ASB9: variants seen among roughly 807,000 people sequenced by gnomAD.
The protein encoded by ASB9 is ankyrin repeat and SOCS box protein 9.
A neutral mutation model predicts 16.6 loss-of-function variants in ASB9; 5 were observed. The ratio of observed to expected loss-of-function variants is 0.30; its 90% confidence interval spans 0.16 to 0.63. ASB9 has a LOEUF of 0.63. Among genes scored for constraint, ASB9 ranks in the 30% least tolerant of loss-of-function variants. The pLI, the probability that ASB9 is intolerant of heterozygous loss-of-function variation, is 0.82. For missense variants in ASB9, 216 were observed against 229.4 expected (o/e 0.94, Z 0.38); for synonymous variants, 100 against 86.4 (o/e 1.16, Z -0.87).
intron 1 of ASB9, among the ~76,000 whole-genome samples, chrX:15,266,652 G>A (rs1232276386): frequency 9.0e-6 from 1 of 111,377 alleles, no homozygotes; most frequent in Non-Finnish European, 1.9e-5. Context: ...AGGAACTTTA[G>A]AAATCCTGAA....
intron 6 of ASB9, among the ~76,000 whole-genome samples, chrX:15,248,221 A>G (rs1008462985): frequency 8.9e-6 from 1 of 111,870 alleles, no homozygotes; most frequent in Non-Finnish European, 1.9e-5. Flanking sequence ...TGGGAGTCTC[A>G]GTTCTTACTT....
chrX:15,258,821 A>G, intron 2 of ASB9, 45 bp downstream of exon 2: 2 of 1,020,957 alleles, frequency 2.0e-6, no homozygotes, highest in Non-Finnish European at 2.8e-6. Flanking sequence ...CATTTGTTTT[A>G]ATATTTTGAT....
intron 1 of ASB9, among the ~76,000 whole-genome samples, chrX:15,260,303 C>T (rs1311935519): frequency 1.8e-5 from 2 of 111,678 alleles, no homozygotes; most frequent in African/African-American, 6.5e-5. Context: ...GAGGCTGAGG[C>T]GGGAGAATCG....
In ASB9 at chrX:15,252,201, G is replaced by GT. The variant is rs942479269; in HGVS notation, c.433+52dup. ...CTCCTTTTCTTTCTTTCTTTCAGCA[G>GT]TAAGATGTCCCTTGAAGGAGTGGGT... On this transcript the variant is annotated intron_variant, in intron 4 of 6. Coordinates refer to ENST00000380488, the MANE Select transcript of ASB9 (RefSeq NM_001031739.3). The GT allele has an allele frequency of 6.3e-6, 7 of 1,111,334 alleles. No individual in the cohort carries two copies. The African/African-American group carries it at 9.3e-5, about 15-fold the overall frequency. 91.6% of individuals were successfully genotyped at this position (1,111,334 alleles called of 1,213,427 possible).
rs1028551333 is a variant in ASB9, at chrX:15,248,139, C to A, written c.760+605G>T. Among the ~76,000 whole-genome samples, 3 of 110,442 alleles carry A rather than the reference C, an allele frequency of 2.7e-5. No individual in the cohort carries two copies. The East Asian group carries it at 8.4e-4, about 31-fold the overall frequency. On this transcript the variant is annotated intron_variant, in intron 6 of 6. Coordinates refer to ENST00000380488, the MANE Select transcript of ASB9 (RefSeq NM_001031739.3). ...TCCCCAACTTGAGGTGTCTTTGTTCCCCAGCCCAGCCCAGGCCTCAAAGCC... is the reference window on the plus strand; with the variant it reads ...TCCCCAACTTGAGGTGTCTTTGTTCACCAGCCCAGCCCAGGCCTCAAAGCC...
At chrX:15,254,970 G>T in intron 2 of ASB9, 126 bp from the exon 3 acceptor site, 3 of 449,151 alleles carry the variant, frequency 6.7e-6, no homozygotes, top group Non-Finnish European at 1.1e-5. Context: ...ACACTAAGGT[G>T]TTTATATTGA....
intron 1 of ASB9, among the ~76,000 whole-genome samples, chrX:15,267,109 T>G (rs1205149275): frequency 8.8e-5 from 10 of 113,360 alleles, no homozygotes; most frequent in Admixed American, 7.4e-4. Flanking sequence ...AAAAATATAT[T>G]TATCGGCCGG....
chrX:15,256,727 G>C lies in ASB9; in HGVS notation c.175-1883C>G, dbSNP rs190882213. On this transcript the variant is annotated intron_variant, in intron 2 of 6. Transcript: ENST00000380488. ...CAGGGGGCGGAGCCTGCAGTGAGCC[G>C]AGATGGCGCCACTGCACTCCAGCCT... Among the ~76,000 whole-genome samples, 129 of 89,367 alleles carry C rather than the reference G, an allele frequency of 1.4e-3. 1 individual carries two copies. In the East Asian group the frequency reaches 0.037, roughly 26 times the overall value. 77.6% of individuals were successfully genotyped at this position (89,367 alleles called of 115,157 possible). A position where few individuals can be genotyped will look rare whatever the true frequency, so the allele number is the denominator to read the frequency against.
chrX:15,264,495 A>G (rs1041339385), intron 1 of ASB9, among the ~76,000 whole-genome samples: 1 of 111,641 alleles, frequency 9.0e-6, no homozygotes, highest in African/African-American at 3.3e-5. Context: ...AAATCTCTAT[A>G]AAGAGTTGGT....
chrX:15,249,083 C>A, intron 5 of ASB9, 148 bp from the exon 6 acceptor site: 1 of 533,536 alleles, frequency 1.9e-6, no homozygotes, highest in Non-Finnish European at 2.9e-6. Context: ...TGATGTGATT[C>A]CATTTAATAA....
At chrX:15,251,230 A>G (rs979290730) in intron 4 of ASB9, among the ~76,000 whole-genome samples, 6 of 112,031 alleles carry the variant, frequency 5.4e-5, no homozygotes, top group African/African-American at 1.9e-4. Context: ...CAGGACCTGA[A>G]GGTGGAACTG....
chrX:15,252,324 A>G lies in ASB9; in HGVS notation c.363T>C (p.Leu121=), dbSNP rs1410956099. Residue 121 remains leucine (L), a synonymous_variant, in exon 4 of 7, where the codon CTT becomes CTC. Transcript: ENST00000380488. ...GTTGAACGCTGGCTCCGTGCTGCAG[A>G]AGCAAATTCACACAATCCCAGCTGC... ...VSGSWDCVNL[L]LQHGASVQPE... 2 of 1,211,555 alleles carry G rather than the reference A, an allele frequency of 1.7e-6. No individual in the cohort carries two copies. Among genetic ancestry groups the G allele is most frequent in the Admixed American group, 2.2e-5 (1 of 46,017 alleles).
intron 1 of ASB9, among the ~76,000 whole-genome samples, chrX:15,267,614 A>G (rs867312955): frequency 1.1e-4 from 10 of 92,887 alleles, no homozygotes; most frequent in East Asian, 6.9e-4. Context: ...GTGGTGGCGG[A>G]CGCCTGTAAT....
intron 1 of ASB9, among the ~76,000 whole-genome samples, chrX:15,261,816 C>A (rs1464727945): frequency 8.9e-6 from 1 of 112,279 alleles, no homozygotes; most frequent in East Asian, 2.8e-4. Context: ...CCATACAATA[C>A]ACCCATTTAA....
At chrX:15,245,260 C>T (rs1344178996) in intron 6 of ASB9, among the ~76,000 whole-genome samples, 1 of 111,143 alleles carries the variant, frequency 9.0e-6, no homozygotes, top group Non-Finnish European at 1.9e-5. Context: ...AGGAGGAGAT[C>T]ATTTTGCTCC....
chrX:15,251,925 C>T (rs1339914812), intron 4 of ASB9, among the ~76,000 whole-genome samples: 2 of 112,213 alleles, frequency 1.8e-5, no homozygotes, highest in Non-Finnish European at 3.8e-5. Flanking sequence ...CTACTATGTG[C>T]CAAGCCCTGT....
chrX:15,244,712 G>A, intron 6 of ASB9, 82 bp from the exon 7 acceptor site: 4 of 952,143 alleles, frequency 4.2e-6, no homozygotes, highest in Non-Finnish European at 5.6e-6. Flanking sequence ...AAGCATCCAA[G>A]ATAGAACATT....
intron 3 of ASB9, among the ~76,000 whole-genome samples, chrX:15,253,278 C>A (rs752393253): frequency 9.2e-6 from 1 of 108,214 alleles, no homozygotes; most frequent in Non-Finnish European, 1.9e-5. Flanking sequence ...CAATGGACTG[C>A]TGAAATATAT....
intron 6 of ASB9, among the ~76,000 whole-genome samples, chrX:15,247,082 C>T (rs758808507): frequency 1.8e-5 from 2 of 111,512 alleles, no homozygotes; most frequent in Non-Finnish European, 3.8e-5. Context: ...CCCCAGGAAA[C>T]GGAGAAACAG....
Sources: gnomAD v4.1 joint callset for allele counts (sites outside exome capture counted in the v4.1 genomes callset) on GRCh38, gnomAD v4.1.1 for gene constraint, MANE v1.5 for transcripts, NCBI Gene and HGNC (gene_info 2026-07-23, HGNC 2026-07-21) for gene names.